Variants in DPYSL5 observed in about 807,000 individuals in gnomAD.
The protein encoded by DPYSL5 is dihydropyrimidinase-related protein 5.
A neutral mutation model predicts 58.4 loss-of-function variants in DPYSL5; 9 were observed. The ratio of observed to expected loss-of-function variants is 0.15; its 90% CI spans 0.09 to 0.27. DPYSL5 has a LOEUF of 0.27. Among genes scored for constraint, DPYSL5 ranks in the 10% least tolerant of loss-of-function variants. The pLI is 1.00. For synonymous variants in DPYSL5, 293 were observed against 301.9 expected (o/e 0.97, Z 0.31); for missense variants, 499 against 770.6 (o/e 0.65, Z 4.17).
intron 1 of DPYSL5, among the ~76,000 whole-genome samples, chr2:26,888,529 C>T (rs920431374): frequency 6.6e-6 from 1 of 152,148 alleles, no homozygotes; most frequent in Non-Finnish European, 1.5e-5. Flanking sequence ...ACCTCGACCT[C>T]CCAAAGTGCT....
At chr2:26,861,399 C>T (rs1666009918) in intron 1 of DPYSL5, among the ~76,000 whole-genome samples, 1 of 152,214 alleles carries the variant, frequency 6.6e-6, no homozygotes, top group Non-Finnish European at 1.5e-5. Context: ...TGTGTGTCTG[C>T]TCATCCCTTC....
At chr2:26,879,669 C>G (rs980270239) in intron 1 of DPYSL5, among the ~76,000 whole-genome samples, 1 of 152,180 alleles carries the variant, frequency 6.6e-6, no homozygotes, top group African/African-American at 2.4e-5. Flanking sequence ...CACATGCAGT[C>G]AGTGAGTGCT....
At chr2:26,876,761 C>T (rs1663419038) in intron 1 of DPYSL5, among the ~76,000 whole-genome samples, 1 of 152,012 alleles carries the variant, frequency 6.6e-6, no homozygotes, top group Admixed American at 6.6e-5. Context: ...GGTGATCCGC[C>T]CACCTCGGCC....
intron 8 of DPYSL5, among the ~76,000 whole-genome samples, chr2:26,936,153 G>A (rs182845154): frequency 2.0e-5 from 3 of 152,290 alleles, no homozygotes; most frequent in Admixed American, 2.0e-4. Flanking sequence ...TCAGGAAAGA[G>A]GAGGGGAGGG....
At chr2:26,869,089 T>G (rs12989446) in intron 1 of DPYSL5, among the ~76,000 whole-genome samples, 48,243 of 151,956 alleles carry the variant, frequency 0.32, 8,741 homozygotes, top group Admixed American at 0.44. Flanking sequence ...CTCAGCCTCC[T>G]GAGTAGCTGG....
At position 26,894,530 on chromosome 2, in the gene DPYSL5, A is replaced by G. The variant is rs148758726; in HGVS notation, c.-4-3966A>G. 2.5e-3 allele frequency among the ~76,000 whole-genome samples: 376 copies of G among 152,302 alleles called. 3 individuals are homozygous for G. The highest frequency in any genetic ancestry group is 8.8e-3 in the African/African-American group (366 of 41,554). On this transcript the variant is annotated intron_variant, in intron 1 of 12. Transcript: ENST00000288699. ...CTAATCAAGCAAGCCATGTAAATTGACAAGTGAGGGCCTTGTTTGTTGAGG... is the reference window on the plus strand; with the variant it reads ...CTAATCAAGCAAGCCATGTAAATTGGCAAGTGAGGGCCTTGTTTGTTGAGG...
chr2:26,944,581 A>G lies in DPYSL5; in HGVS notation c.1441-75A>G. The G allele has an allele frequency of 1.3e-6, 2 of 1,498,936 alleles. No homozygotes were observed. The highest frequency in any genetic ancestry group is 2.5e-5 in the South Asian group (2 of 79,742). 92.9% of individuals were successfully genotyped at this position (1,498,936 alleles called of 1,614,324 possible). A position where few individuals can be genotyped will look rare whatever the true frequency, so the allele number is the denominator to read the frequency against. ...AGTGTCTAATGTCCCACCGGCCCCC[A>G]GGGAGGCCATGGTTGTATCACTCAG... On this transcript the variant is annotated intron_variant, in intron 11 of 12. Coordinates refer to ENST00000288699, the MANE Select transcript of DPYSL5 (RefSeq NM_020134.4). This position sits in a 1 kb window ranked among gnomAD's most constrained non-coding sequence, Gnocchi z 4.4.
At chr2:26,872,427 C>T (rs1434552486) in intron 1 of DPYSL5, among the ~76,000 whole-genome samples, 1 of 152,188 alleles carries the variant, frequency 6.6e-6, no homozygotes, top group Admixed American at 6.5e-5. Context: ...CGCGGTGGCT[C>T]ACGCCTCTAA....
At chr2:26,856,076 A>G (rs1028010254) in intron 1 of DPYSL5, among the ~76,000 whole-genome samples, 6 of 152,128 alleles carry the variant, frequency 3.9e-5, no homozygotes, top group East Asian at 1.9e-4. Flanking sequence ...CTGAGGGTGC[A>G]TTTTAAAAAA....
chr2:26,867,462 T>G (rs1218179322), intron 1 of DPYSL5, among the ~76,000 whole-genome samples: 1 of 148,382 alleles, frequency 6.7e-6, no homozygotes, highest in African/African-American at 2.5e-5. Context: ...TTTGTTTGTT[T>G]TTTTTTTTTT....
At chr2:26,920,727 T>G (rs901646802) in intron 2 of DPYSL5, among the ~76,000 whole-genome samples, 4 of 152,230 alleles carry the variant, frequency 2.6e-5, no homozygotes, top group Admixed American at 2.0e-4. Context: ...ATTGCACCAC[T>G]GCACTCCAGC....
intron 1 of DPYSL5, among the ~76,000 whole-genome samples, chr2:26,860,068 C>T (rs892182283): frequency 6.6e-6 from 1 of 152,168 alleles, no homozygotes; most frequent in Non-Finnish European, 1.5e-5. Flanking sequence ...CCTCAGTTTC[C>T]TTGTGAACTA....
chr2:26,920,555 C>T (rs1268287437), intron 2 of DPYSL5, among the ~76,000 whole-genome samples: 2 of 152,098 alleles, frequency 1.3e-5, no homozygotes, highest in Non-Finnish European at 2.9e-5. Flanking sequence ...CACTTGAGGT[C>T]AAGAGGTCAA....
chr2:26,914,806 G>A (rs949358531), intron 2 of DPYSL5, among the ~76,000 whole-genome samples: 6 of 152,040 alleles, frequency 3.9e-5, no homozygotes, highest in Non-Finnish European at 5.9e-5. Context: ...TCACCTACGG[G>A]GAGCAGGAAC....
intron 1 of DPYSL5, among the ~76,000 whole-genome samples, chr2:26,863,379 C>CT (rs1666065830): frequency 6.6e-6 from 1 of 152,220 alleles, no homozygotes; most frequent in Non-Finnish European, 1.5e-5. Flanking sequence ...ATTTTCTTGA[C>CT]TTGTGGACCA....
chr2:26,918,483 T>C (rs77291799), intron 2 of DPYSL5, among the ~76,000 whole-genome samples: 9 of 56,706 alleles, frequency 1.6e-4, no homozygotes, highest in Admixed American at 9.1e-4. Context: ...TTTTTTTTTT[T>C]CCTCTGGTAC....
intron 1 of DPYSL5, among the ~76,000 whole-genome samples, chr2:26,884,162 C>T (rs914710765): frequency 7.9e-5 from 12 of 152,142 alleles, no homozygotes; most frequent in Non-Finnish European, 1.3e-4. Flanking sequence ...GAGTCGGTGC[C>T]GGGTGGGCGA....
chr2:26,929,397 T>C (rs1225677449), intron 5 of DPYSL5, among the ~76,000 whole-genome samples: 1 of 152,124 alleles, frequency 6.6e-6, no homozygotes, highest in Non-Finnish European at 1.5e-5. Context: ...CACACCCAGC[T>C]AATTTTGTAT....
At chr2:26,855,642 G>A (rs1397710874) in intron 1 of DPYSL5, among the ~76,000 whole-genome samples, 2 of 152,070 alleles carry the variant, frequency 1.3e-5, no homozygotes, top group East Asian at 1.9e-4. Flanking sequence ...AGTAGTGCCC[G>A]GTACTCAATC....
Sources: gnomAD v4.1 joint callset for allele counts (sites outside exome capture counted in the v4.1 genomes callset) on GRCh38, gnomAD v4.1.1 for gene constraint, Gnocchi (gnomAD v3.1) non-coding constraint, MANE v1.5 for transcripts, NCBI Gene and HGNC (gene_info 2026-07-23, HGNC 2026-07-21) for gene names.